Variants in PRKCE observed in about 807,000 individuals in gnomAD.
PRKCE encodes protein kinase C epsilon type.
In PRKCE, 16 loss-of-function variants were observed where a neutral mutation model predicts 85.4. The ratio of observed to expected loss-of-function variants is 0.19; its 90% confidence interval spans 0.13 to 0.28. PRKCE has a LOEUF of 0.28. PRKCE is among the 10% of genes least tolerant of loss of function. The probability of loss-of-function intolerance (pLI) is 1.00; values close to 1 mark genes in which losing one functional copy is unlikely to be tolerated. For synonymous variants in PRKCE, 388 were observed against 371.5 expected (o/e 1.04, Z -0.51); for missense variants, 573 against 975.2 (o/e 0.59, Z 5.49).
At chr2:46,127,615 A>T (rs532840594) in intron 11 of PRKCE, among the ~76,000 whole-genome samples, 1 of 152,360 alleles carries the variant, frequency 6.6e-6, no homozygotes, top group African/African-American at 2.4e-5. Flanking sequence ...GCCTCTCCAC[A>T]CTGACTTGGA....
chr2:46,029,056 A>G (rs1707330493), intron 10 of PRKCE, among the ~76,000 whole-genome samples: 1 of 152,254 alleles, frequency 6.6e-6, no homozygotes, highest in East Asian at 1.9e-4. Flanking sequence ...TACCCAGTCT[A>G]TCATTGATGG....
At chr2:45,803,233 C>T (rs545853660) in intron 1 of PRKCE, among the ~76,000 whole-genome samples, 9 of 152,250 alleles carry the variant, frequency 5.9e-5, no homozygotes, top group African/African-American at 2.2e-4. Flanking sequence ...TGGTCTATAC[C>T]TAGGTGTTTG....
chr2:45,719,958 A>C lies in PRKCE; in HGVS notation c.348+67510A>C, dbSNP rs139328095. ...ACAACAACGACAACAACAACAAAAT[A>C]ACAATAGCAACAGAGCTCTCAGACT... is the stretch of plus-strand genomic sequence containing the variant. On this transcript the variant is annotated intron_variant, in intron 1 of 14. Transcript: ENST00000306156. Among the ~76,000 whole-genome samples the C allele has an allele frequency of 7.1e-3, 1,080 of 152,222 alleles. 14 individuals carry two copies. The highest frequency in any genetic ancestry group is 0.025 in the African/African-American group (1,022 of 41,532).
intron 1 of PRKCE, among the ~76,000 whole-genome samples, chr2:45,802,110 A>G (rs180768760): frequency 6.6e-6 from 1 of 151,572 alleles, no homozygotes. Flanking sequence ...AAAACACCCA[A>G]AAACTTAGCA....
At chr2:45,698,364 T>A (rs758992946) in intron 1 of PRKCE, among the ~76,000 whole-genome samples, 2 of 151,790 alleles carry the variant, frequency 1.3e-5, no homozygotes, top group African/African-American at 2.4e-5. Flanking sequence ...AAATTTCCAG[T>A]TGGGGGTGAA....
At chr2:45,881,359 C>T (rs1039218175) in intron 2 of PRKCE, among the ~76,000 whole-genome samples, 7 of 152,054 alleles carry the variant, frequency 4.6e-5, no homozygotes, top group South Asian at 4.1e-4. Context: ...TGTTGCAATC[C>T]AGGTGGACAC....
chr2:45,655,979 C>G (rs970643923), intron 1 of PRKCE, among the ~76,000 whole-genome samples: 1 of 151,898 alleles, frequency 6.6e-6, no homozygotes, highest in African/African-American at 2.4e-5. Flanking sequence ...GAGCAGTGTT[C>G]CTGGCATGGC....
At chr2:46,059,640 G>A (rs181783800) in intron 10 of PRKCE, among the ~76,000 whole-genome samples, 2 of 152,278 alleles carry the variant, frequency 1.3e-5, no homozygotes, top group African/African-American at 4.8e-5. Context: ...TGCCTACCAT[G>A]CTTGCACTTC....
chr2:45,794,142 AGAACTC>A (rs1687237211), intron 1 of PRKCE, among the ~76,000 whole-genome samples: 1 of 152,198 alleles, frequency 6.6e-6, no homozygotes, highest in East Asian at 1.9e-4. Context: ...CAGTCAATGC[AGAACTC>A]TTCCTCAGGA....
At chr2:45,792,809 T>A (rs1687136585) in intron 1 of PRKCE, among the ~76,000 whole-genome samples, 1 of 152,214 alleles carries the variant, frequency 6.6e-6, no homozygotes, top group Non-Finnish European at 1.5e-5. Context: ...TAATTAATTT[T>A]TTTTGTTGAG....
chr2:45,848,889 A>T (rs1692012242), intron 2 of PRKCE, among the ~76,000 whole-genome samples: 1 of 152,194 alleles, frequency 6.6e-6, no homozygotes, highest in South Asian at 2.1e-4. Context: ...TTCAAGAAAG[A>T]GGCAAGGCTT....
rs529656729 is a variant in PRKCE, at chr2:46,008,815, G to A, written c.1263+1154G>A. Among the ~76,000 whole-genome samples the A allele has an allele frequency of 1.2e-4, 19 of 152,322 alleles. No individual in the cohort carries two copies. In the East Asian group the frequency reaches 2.5e-3, roughly 20 times the overall value. Reference sequence around the variant, plus strand: ...GTGGTCTAATTTTGAGCAAGACTCCGAGATTCTAGGTTTTCATATAGTGTA... The same window carrying A: ...GTGGTCTAATTTTGAGCAAGACTCCAAGATTCTAGGTTTTCATATAGTGTA... On this transcript the variant is annotated intron_variant, in intron 9 of 14. Coordinates refer to ENST00000306156, the MANE Select transcript of PRKCE (RefSeq NM_005400.3).
chr2:45,801,869 C>T (rs1181203986), intron 1 of PRKCE, among the ~76,000 whole-genome samples: 1 of 152,102 alleles, frequency 6.6e-6, no homozygotes, highest in African/African-American at 2.4e-5. Context: ...CTGATCCTAG[C>T]CTTGCTGCTG....
chr2:45,658,558 T>G (rs1156719253), intron 1 of PRKCE, among the ~76,000 whole-genome samples: 1 of 152,232 alleles, frequency 6.6e-6, no homozygotes, highest in Non-Finnish European at 1.5e-5. Flanking sequence ...TTTGAGCATG[T>G]GACTTAGGCT....
intron 1 of PRKCE, among the ~76,000 whole-genome samples, chr2:45,753,839 C>T (rs61264141): frequency 8.0e-4 from 122 of 152,284 alleles, no homozygotes; most frequent in African/African-American, 2.6e-3. Context: ...TCCTAACATT[C>T]CCCTCCCAAA....
At chr2:45,944,213 A>G (rs183325595) in intron 2 of PRKCE, among the ~76,000 whole-genome samples, 3 of 152,190 alleles carry the variant, frequency 2.0e-5, no homozygotes, top group African/African-American at 7.2e-5. Flanking sequence ...ACTGCTGTCC[A>G]TTTGCTCCAT....
At chr2:45,713,101 C>T (rs147008484) in intron 1 of PRKCE, among the ~76,000 whole-genome samples, 39 of 152,210 alleles carry the variant, frequency 2.6e-4, no homozygotes, top group Non-Finnish European at 4.3e-4. Context: ...GCTAGCTTAT[C>T]TCCCTGGGCC....
intron 10 of PRKCE, among the ~76,000 whole-genome samples, chr2:46,065,284 C>T (rs1394078584): frequency 6.6e-6 from 1 of 151,840 alleles, no homozygotes. Flanking sequence ...GGGAGTGTGT[C>T]TGTGGGTAAA....
intron 1 of PRKCE, among the ~76,000 whole-genome samples, chr2:45,752,268 C>T (rs1257627796): frequency 1.3e-5 from 2 of 152,196 alleles, no homozygotes; most frequent in Admixed American, 6.5e-5. Context: ...CCCCATTTTA[C>T]AGAACAGGAA....
Sources: gnomAD v4.1 joint callset for allele counts (sites outside exome capture counted in the v4.1 genomes callset) on GRCh38, gnomAD v4.1.1 for gene constraint, MANE v1.5 for transcripts, NCBI Gene and HGNC (gene_info 2026-07-23, HGNC 2026-07-21) for gene names.